VPS13B: variants seen among roughly 807,000 people sequenced by gnomAD.
VPS13B encodes vacuolar protein sorting 13 homolog B.
Under a neutral mutation model 426.4 loss-of-function variants are expected in VPS13B, and 285 were observed. The ratio of observed to expected loss-of-function variants is 0.67; its 90% CI spans 0.61 to 0.74. The LOEUF is 0.74. VPS13B is among the 30% of genes least tolerant of loss of function. VPS13B has a pLI of 0.00. For synonymous variants in VPS13B, 1,676 were observed against 1,676.4 expected (o/e 1.00, Z 0.01); for missense variants, 4,537 against 4,782.6 (o/e 0.95, Z 1.51).
chr8:99,769,585 AAAG>A (rs1811382603), intron 40 of VPS13B, among the ~76,000 whole-genome samples: 1 of 152,234 alleles, frequency 6.6e-6, no homozygotes, highest in Admixed American at 6.5e-5. Context: ...CCTAATTTAA[AAAG>A]AAGAGCCTCT....
intron 43 of VPS13B, among the ~76,000 whole-genome samples, chr8:99,787,467 T>C (rs1220458485): frequency 6.6e-6 from 1 of 152,194 alleles, no homozygotes; most frequent in African/African-American, 2.4e-5. Context: ...TCCTAGGGAA[T>C]AATTGAATAT....
chr8:99,620,465 TCTGGAGTTAGCCA>T (rs1828300167), intron 33 of VPS13B, among the ~76,000 whole-genome samples: 1 of 152,024 alleles, frequency 6.6e-6, no homozygotes, highest in Non-Finnish European at 1.5e-5. Flanking sequence ...CTAAAAGAGC[TCTGGAGTTAGCCA>T]CTGAGAAATA....
chr8:99,662,309 G>A (rs548453980), intron 35 of VPS13B, among the ~76,000 whole-genome samples: 14 of 151,570 alleles, frequency 9.2e-5, no homozygotes, highest in African/African-American at 2.7e-4. Context: ...CCTCACTTCC[G>A]TATAGTCTTA....
At chr8:99,435,049 T>A (rs1011364100) in intron 22 of VPS13B, among the ~76,000 whole-genome samples, 1 of 152,190 alleles carries the variant, frequency 6.6e-6, no homozygotes, top group Non-Finnish European at 1.5e-5. Flanking sequence ...GGGAGCCCCT[T>A]AGAAAACTTA....
At position 99,178,272 on chromosome 8, in the gene VPS13B, G is replaced by C. The variant is rs181903501; in HGVS notation, c.2333+8109G>C. Among the ~76,000 whole-genome samples the C allele has an allele frequency of 1.7e-3, 263 of 151,592 alleles. 1 individual carries two copies. Among genetic ancestry groups the C allele is most frequent in the African/African-American group, 6.2e-3 (257 of 41,368 alleles). ...GCTGCACCCACTAATGTGTCATCTA[G>C]CATTAGGTATATCTCCCAATGCTAT... On this transcript the variant is annotated intron_variant, in intron 16 of 61. Transcript: ENST00000357162.
Position 99,387,923 on chromosome 8 carries a change from A to G in VPS13B, c.2934+3606A>G, listed in dbSNP as rs560501697. Among the ~76,000 whole-genome samples, 39 of 152,360 alleles carry G rather than the reference A, an allele frequency of 2.6e-4. No individual in the cohort carries two copies. The Middle Eastern group carries it at 0.031, about 120-fold the overall frequency. ...TAGGTATGCTCTTAGAGTGAAATTC[A>G]TAAAAGTAAGGAATACTGTGTAAGC... is the stretch of plus-strand genomic sequence containing the variant. On this transcript the variant is annotated intron_variant, in intron 20 of 61. Coordinates refer to ENST00000357162, the MANE Select transcript of VPS13B (RefSeq NM_152564.5).
Position 99,481,797 on chromosome 8 carries a change from A to G in VPS13B, c.3865A>G (p.Thr1289Ala), listed in dbSNP as rs752808333. Residue 1289 changes from threonine (T) to alanine (A), a missense_variant, in exon 25 of 62, where the codon ACT becomes GCT. Transcript: ENST00000357162. ...CSPSADIGTT[T>A]EGDSIQAGEE... ...CCCATCTGCTGACATTGGGACTACT[A>G]CTGAGGTAAGTGTTTTTGAAAATCC... The G allele has an allele frequency of 9.9e-6, 16 of 1,613,648 alleles. No individual in the cohort carries two copies. The East Asian group carries it at 3.3e-4, about 34-fold the overall frequency.
chr8:99,357,214 C>G (rs1336816994), intron 19 of VPS13B, among the ~76,000 whole-genome samples: 1 of 152,168 alleles, frequency 6.6e-6, no homozygotes, highest in Non-Finnish European at 1.5e-5. Flanking sequence ...ATTCAGACCT[C>G]TATCTCCAGA....
intron 35 of VPS13B, among the ~76,000 whole-genome samples, chr8:99,686,209 CAAAT>C (rs982635906): frequency 2.6e-5 from 4 of 152,174 alleles, no homozygotes; most frequent in Non-Finnish European, 4.4e-5. Flanking sequence ...TTCTCCCAAA[CAAAT>C]AGAGTCTCTC....
intron 15 of VPS13B, among the ~76,000 whole-genome samples, chr8:99,166,779 G>A (rs1047524532): frequency 6.6e-6 from 1 of 152,118 alleles, no homozygotes; most frequent in Non-Finnish European, 1.5e-5. Flanking sequence ...AAAGAACAAA[G>A]CTGAAGGACT....
In VPS13B at chr8:99,511,413, C is replaced by T. The variant is rs558460255; in HGVS notation, c.4534C>T (p.His1512Tyr). Residue 1512 changes from histidine to tyrosine, a missense_variant, in exon 29 of 62, where the codon CAT becomes TAT. This residue lies in a region of VPS13B where 4,311 missense variants were observed against 4,474.3 expected (regional missense o/e 0.96). Coordinates refer to ENST00000357162, the MANE Select transcript of VPS13B (RefSeq NM_152564.5). ...ATCTCCTGGTCAGCCCATGAGGACCCATACACTGACATCCCGCAATTTACC... is the reference window on the plus strand; with the variant it reads ...ATCTCCTGGTCAGCCCATGAGGACCTATACACTGACATCCCGCAATTTACC... Reference protein sequence around the residue: ...RKSPGQPMRTHTLTSRNLPLI... With the variant: ...RKSPGQPMRTYTLTSRNLPLI... 6.2e-7 allele frequency: 1 copy of T among 1,613,714 alleles called. No homozygotes were observed. Among genetic ancestry groups the T allele is most frequent in the Non-Finnish European group, 8.5e-7 (1 of 1,179,948 alleles).
chr8:99,392,071 G>C (rs1814478831), intron 21 of VPS13B, among the ~76,000 whole-genome samples: 1 of 152,164 alleles, frequency 6.6e-6, no homozygotes, highest in Non-Finnish European at 1.5e-5. Context: ...TCTATCTTCT[G>C]AGACTGTTCG....
chr8:99,461,026 A>G (rs541166908), intron 23 of VPS13B, among the ~76,000 whole-genome samples: 1 of 152,326 alleles, frequency 6.6e-6, no homozygotes, highest in African/African-American at 2.4e-5. Context: ...TTTTTGTTAA[A>G]TGTTGTATCA....
At chr8:99,310,021 T>G (rs1017650822) in intron 19 of VPS13B, among the ~76,000 whole-genome samples, 2 of 152,192 alleles carry the variant, frequency 1.3e-5, no homozygotes. Context: ...GTGATTTTTG[T>G]ACATTCATTT....
intron 35 of VPS13B, chr8:99,696,367 T>C (rs4735633): frequency 0.096 from 28,716 of 299,064 alleles, 1,598 homozygotes; most frequent in African/African-American, 0.15. Flanking sequence ...CCTTGGCTTC[T>C]GCCTGCTGTG....
In VPS13B at chr8:99,143,240, T is replaced by A; in HGVS notation, c.1843+75T>A. ...ATTATATAATCCAATTTGTGTTGTC[T>A]TGCTAACTTTACGTTTTTAGTGTAA... On this transcript the variant is annotated intron_variant, in intron 13 of 61. Coordinates refer to ENST00000357162, the MANE Select transcript of VPS13B (RefSeq NM_152564.5). 3 of 1,592,504 alleles carry A rather than the reference T, an allele frequency of 1.9e-6. No homozygotes were observed. In the South Asian group the frequency reaches 3.3e-5, roughly 18 times the overall value.
chr8:99,681,525 G>C (rs1324106907), intron 35 of VPS13B, among the ~76,000 whole-genome samples: 1 of 152,222 alleles, frequency 6.6e-6, no homozygotes, highest in African/African-American at 2.4e-5. Context: ...CATTTGAAAA[G>C]TGAATTACTT....
intron 2 of VPS13B, among the ~76,000 whole-genome samples, chr8:99,014,364 C>T (rs1189215295): frequency 1.3e-5 from 2 of 151,668 alleles, no homozygotes; most frequent in Non-Finnish European, 2.9e-5. Context: ...GTGATCCGCC[C>T]GCCTCAGTCT....
chr8:99,183,843 G>A (rs961761928), intron 16 of VPS13B, among the ~76,000 whole-genome samples: 1 of 152,110 alleles, frequency 6.6e-6, no homozygotes, highest in Non-Finnish European at 1.5e-5. Flanking sequence ...AATTTACCAA[G>A]TTGAGCATTC....
Sources: allele counts gnomAD v4.1 joint callset (sites outside exome capture counted in the v4.1 genomes callset), GRCh38; gene constraint gnomAD v4.1.1; regional missense constraint gnomAD v4.1.1; transcripts MANE v1.5; gene names NCBI Gene and HGNC (gene_info 2026-07-23, HGNC 2026-07-21).